The following KLHL14 variants were observed in gnomAD, a reference collection of about 807,000 sequenced individuals.
KLHL14 encodes the protein kelch-like protein 14.
Under a neutral mutation model 64.3 loss-of-function variants are expected in KLHL14, and 22 were observed. The observed-to-expected ratio is 0.34, with a 90% CI of 0.24 to 0.49. KLHL14 has a LOEUF of 0.49. Ranked by LOEUF, KLHL14 falls within the 20% of genes least tolerant of loss-of-function variation. KLHL14 has a pLI of 0.99. For missense variants in KLHL14, 661 were observed against 789.0 expected (o/e 0.84, Z 1.94); for synonymous variants, 322 against 333.4 (o/e 0.97, Z 0.37).
At chr18:32,679,125 C>T (rs1312068932) in intron 7 of KLHL14, among the ~76,000 whole-genome samples, 1 of 151,230 alleles carries the variant, frequency 6.6e-6, no homozygotes, top group Non-Finnish European at 1.5e-5. Context: ...TTAAGCTGAG[C>T]AGCAGACATG....
At position 32,768,702 on chromosome 18, in the gene KLHL14, T is replaced by G. The variant is rs182756216; in HGVS notation, c.947+943A>C. On this transcript the variant is annotated intron_variant, in intron 2 of 8. Transcript: ENST00000359358. ...AAAATTGGAGCCAATAAAACACGAT[T>G]GTCAATTCCTACAGCCTTTTTATCT... Among the ~76,000 whole-genome samples the G allele has an allele frequency of 2.5e-3, 383 of 152,248 alleles. 5 individuals carry two copies. The highest frequency in any genetic ancestry group is 8.8e-3 in the African/African-American group (365 of 41,534).
At position 32,683,061 on chromosome 18, in the gene KLHL14, G is replaced by C. The variant is rs1277196204; in HGVS notation, c.1239-2462C>G. Among the ~76,000 whole-genome samples the C allele has an allele frequency of 6.6e-6, 1 of 152,178 alleles. No homozygotes were observed. The highest frequency in any genetic ancestry group is 1.5e-5 in the Non-Finnish European group (1 of 68,018). ...TTCTATTTAACTGAGTATAGATTTT[G>C]AAGAATAAGAGGAAGATCTCCCTTT... On this transcript the variant is annotated intron_variant, in intron 5 of 8. Transcript: ENST00000359358. This position sits in a 1 kb window ranked among gnomAD's most constrained non-coding sequence, Gnocchi z 4.2.
chr18:32,710,929 A>G (rs1367271022), intron 3 of KLHL14, among the ~76,000 whole-genome samples: 4 of 152,038 alleles, frequency 2.6e-5, no homozygotes, highest in Non-Finnish European at 4.4e-5. Context: ...AAGTGGAAGA[A>G]AACAAGAGCC....
chr18:32,682,839 A>G (rs972320042), intron 5 of KLHL14, among the ~76,000 whole-genome samples: 3 of 152,166 alleles, frequency 2.0e-5, no homozygotes, highest in Non-Finnish European at 4.4e-5. Context: ...TTTTTTTCCA[A>G]CACTGACACT....
rs776140321 is a variant in KLHL14, at chr18:32,770,446, G to A, written c.146C>T (p.Ala49Val). The change falls in exon 2 of 9, where the codon GCC becomes GTC. Residue 49 changes from alanine (A) to valine (V), a missense_variant. Physicochemically the swap from Ala to Val is moderately conservative, Grantham distance 64 (BLOSUM62 0). Coordinates refer to ENST00000359358, the MANE Select transcript of KLHL14 (RefSeq NM_020805.3). This position sits in a 1 kb window ranked among gnomAD's most constrained non-coding sequence, Gnocchi z 6.7. Reference protein sequence around the residue: ...AQGQQFHCHKAVLASCSQYFR... With the variant: ...AQGQQFHCHKVVLASCSQYFR... ...GTACTGCGAGCAGGAGGCCAGCACG[G>A]CCTTGTGGCAATGGAACTGCTGGCC... 7 of 1,612,374 alleles carry A rather than the reference G, an allele frequency of 4.3e-6. No homozygotes were observed. Among genetic ancestry groups the A allele is most frequent in the Non-Finnish European group, 5.9e-6 (7 of 1,179,764 alleles).
At chr18:32,729,934 C>T (rs1240560775) in intron 3 of KLHL14, among the ~76,000 whole-genome samples, 1 of 152,108 alleles carries the variant, frequency 6.6e-6, no homozygotes, top group African/African-American at 2.4e-5. Context: ...CAAGCAACTC[C>T]ATAATTCATT....
At chr18:32,760,339 T>TAC (rs60814600) in intron 2 of KLHL14, among the ~76,000 whole-genome samples, 39,504 of 146,790 alleles carry the variant, frequency 0.27, 5,449 homozygotes, top group South Asian at 0.44. Flanking sequence ...CACACAGACA[T>TAC]ACACACACAC....
chr18:32,767,912 C>G (rs1186611281), intron 2 of KLHL14, among the ~76,000 whole-genome samples: 2 of 152,126 alleles, frequency 1.3e-5, no homozygotes, highest in Non-Finnish European at 2.9e-5. Flanking sequence ...AATGTATGTT[C>G]AGAACTATAA....
intron 3 of KLHL14, among the ~76,000 whole-genome samples, chr18:32,707,302 T>A (rs753771514): frequency 1.3e-5 from 2 of 152,202 alleles, no homozygotes; most frequent in African/African-American, 2.4e-5. Context: ...TCTAGCTGTA[T>A]CCATGGTGAA....
rs750435342 is a variant in KLHL14, at chr18:32,705,081, T to C, written c.1070-9529A>G. Among the ~76,000 whole-genome samples, 102 of 152,260 alleles carry C rather than the reference T, an allele frequency of 6.7e-4. 1 individual carries two copies. Among genetic ancestry groups the C allele is most frequent in the Admixed American group, 1.3e-4 (2 of 15,286 alleles). On this transcript the variant is annotated intron_variant, in intron 3 of 8. Transcript: ENST00000359358. ...GCACACAGATTCCACAAACATTTAC[T>C]GAGCACCTACTAAGTGCCAGGCCTT...
At chr18:32,708,841 C>T (rs961513466) in intron 3 of KLHL14, among the ~76,000 whole-genome samples, 1 of 152,182 alleles carries the variant, frequency 6.6e-6, no homozygotes, top group African/African-American at 2.4e-5. Context: ...ATGAGACCTT[C>T]AGAGAAGGCA....
At chr18:32,710,171 A>C (rs541482660) in intron 3 of KLHL14, among the ~76,000 whole-genome samples, 19 of 152,214 alleles carry the variant, frequency 1.2e-4, no homozygotes, top group Non-Finnish European at 2.1e-4. Context: ...TTACAAACAA[A>C]CTGTAAAAGG....
rs2144469467 is a variant in KLHL14 at position 32,683,285 on chromosome 18, C to T, written c.1239-2686G>A. On this transcript the variant is annotated intron_variant, in intron 5 of 8. Coordinates refer to ENST00000359358, the MANE Select transcript of KLHL14 (RefSeq NM_020805.3). The surrounding 1 kb of genome is among the most constrained non-coding windows in gnomAD (Gnocchi z 4.2). ...TAGGATCTAAATGGGAAAAAATCAG[C>T]AGATTTCACTTCCTGATGACAAGTG... 6.6e-6 allele frequency among the ~76,000 whole-genome samples: 1 copy of T among 152,242 alleles called. No homozygotes were observed. Among genetic ancestry groups the T allele is most frequent in the Admixed American group, 6.5e-5 (1 of 15,280 alleles).
At chr18:32,730,773 A>T (rs1175665760) in intron 3 of KLHL14, among the ~76,000 whole-genome samples, 1 of 152,226 alleles carries the variant, frequency 6.6e-6, no homozygotes, top group Non-Finnish European at 1.5e-5. Context: ...ATGTGGGAAC[A>T]TTATGGTCTT....
chr18:32,769,825 T>TAC lies in KLHL14; in HGVS notation c.765_766dup (p.Tyr256CysfsTer7), dbSNP rs751865284. On this transcript the variant is annotated frameshift_variant, in exon 2 of 9. Transcript: ENST00000359358. LOFTEE classifies it high-confidence loss of function. ...GAGGCGCTTCATGAGGTCAGGCGCATACTGCATGCGGGTCTCGCGGTCGTG... is the reference window on the plus strand; with the variant it reads ...GAGGCGCTTCATGAGGTCAGGCGCATACACTGCATGCGGGTCTCGCGGTCGTG... The TAC allele has an allele frequency of 6.2e-7, 1 of 1,613,660 alleles. No individual in the cohort carries two copies. The highest frequency in any genetic ancestry group is 8.5e-7 in the Non-Finnish European group (1 of 1,179,934).
At chr18:32,726,601 G>A (rs1331107586) in intron 3 of KLHL14, among the ~76,000 whole-genome samples, 9 of 151,682 alleles carry the variant, frequency 5.9e-5, no homozygotes, top group African/African-American at 2.2e-4. Flanking sequence ...TCCAGCCAGG[G>A]TGACAGAGCA....
intron 3 of KLHL14, among the ~76,000 whole-genome samples, chr18:32,734,437 T>A (rs559089009): frequency 6.6e-6 from 1 of 152,288 alleles, no homozygotes; most frequent in East Asian, 1.9e-4. Flanking sequence ...CAAGAAATCA[T>A]TTTCTCTTGT....
intron 3 of KLHL14, among the ~76,000 whole-genome samples, chr18:32,704,579 G>A (rs1032397528): frequency 3.3e-5 from 5 of 152,070 alleles, no homozygotes; most frequent in East Asian, 1.9e-4. Context: ...AAAATTAGCC[G>A]GGCATGGTGG....
chr18:32,734,487 C>T (rs574908033), intron 3 of KLHL14, among the ~76,000 whole-genome samples: 1 of 152,322 alleles, frequency 6.6e-6, no homozygotes, highest in East Asian at 1.9e-4. Context: ...ATTACCGCAG[C>T]ATAATCTAGC....
Sources: allele counts gnomAD v4.1 joint callset (sites outside exome capture counted in the v4.1 genomes callset), GRCh38; gene constraint gnomAD v4.1.1; non-coding constraint Gnocchi (gnomAD v3.1); transcripts MANE v1.5; gene names NCBI Gene and HGNC (gene_info 2026-07-23, HGNC 2026-07-21).